The following TMEFF2 variants were observed in gnomAD, a reference collection of about 807,000 sequenced individuals.
TMEFF2 encodes the protein tomoregulin-2.
A neutral mutation model predicts 53.8 loss-of-function variants in TMEFF2; 28 were observed. The observed-to-expected ratio is 0.52, with a 90% CI of 0.39 to 0.71. TMEFF2 has a LOEUF of 0.71. Among genes scored for constraint, TMEFF2 ranks in the 30% least tolerant of loss-of-function variants. TMEFF2 has a pLI of 0.00. For synonymous variants in TMEFF2, 162 were observed against 166.3 expected, an observed-to-expected ratio of 0.97 and a Z score of 0.20; for missense variants, 353 against 455.2, an observed-to-expected ratio of 0.78 and a Z score of 2.04.
chr2:191,980,000 T>C (rs1237804403), intron 7 of TMEFF2, among the ~76,000 whole-genome samples: 1 of 152,140 alleles, frequency 6.6e-6, no homozygotes, highest in Admixed American at 6.5e-5. Context: ...TAAAATTTTA[T>C]GTAGTTTGGT....
At chr2:191,990,509 A>C (rs1361593224) in intron 7 of TMEFF2, among the ~76,000 whole-genome samples, 1 of 150,646 alleles carries the variant, frequency 6.6e-6, no homozygotes, top group East Asian at 2.0e-4. Flanking sequence ...AATTATACAG[A>C]GCATTGGGAT....
chr2:191,996,329 G>A (rs928731356), intron 7 of TMEFF2, among the ~76,000 whole-genome samples: 1 of 151,810 alleles, frequency 6.6e-6, no homozygotes, highest in Admixed American at 6.6e-5. Context: ...GTACAAAGAC[G>A]GATGGTTCAC....
At chr2:192,166,441 T>G (rs1304832604) in intron 4 of TMEFF2, among the ~76,000 whole-genome samples, 1 of 152,066 alleles carries the variant, frequency 6.6e-6, no homozygotes, top group African/African-American at 2.4e-5. Context: ...TTTTAGGGAT[T>G]TTTCTTACAA....
At chr2:192,169,649 G>A (rs1356007868) in intron 4 of TMEFF2, among the ~76,000 whole-genome samples, 2 of 152,098 alleles carry the variant, frequency 1.3e-5, no homozygotes, top group African/African-American at 4.8e-5. Flanking sequence ...AGGCCTGTTA[G>A]GAGGCTTTTT....
chr2:192,021,377 G>C (rs1396905233), intron 5 of TMEFF2, among the ~76,000 whole-genome samples: 2 of 152,030 alleles, frequency 1.3e-5, no homozygotes, highest in Non-Finnish European at 1.5e-5. Flanking sequence ...ATTTGAAAAA[G>C]TAAGAAAAAT....
chr2:192,041,928 G>A (rs1449598020), intron 5 of TMEFF2, among the ~76,000 whole-genome samples: 5 of 152,090 alleles, frequency 3.3e-5, no homozygotes, highest in Admixed American at 6.6e-5. Context: ...ATCACTGATC[G>A]GCCAGGTGCG....
chr2:192,057,027 T>A (rs1338963519), intron 5 of TMEFF2, among the ~76,000 whole-genome samples: 1 of 152,160 alleles, frequency 6.6e-6, no homozygotes, highest in Non-Finnish European at 1.5e-5. Context: ...AGTCTGATCA[T>A]CTATTGCTGC....
intron 7 of TMEFF2, among the ~76,000 whole-genome samples, chr2:191,992,059 CT>C (rs1354468388): frequency 2.0e-5 from 3 of 152,110 alleles, no homozygotes; most frequent in Non-Finnish European, 1.5e-5. Flanking sequence ...CAATGAGACA[CT>C]TTCCCTCAGA....
intron 6 of TMEFF2, 129 bp from the exon 7 acceptor site, chr2:191,998,450 C>A: frequency 1.7e-6 from 1 of 581,440 alleles, no homozygotes; most frequent in Admixed American, 3.5e-5. Context: ...TTCTAAGCAA[C>A]CTGCATCATA....
At chr2:192,181,665 A>C (rs1691188376) in intron 3 of TMEFF2, among the ~76,000 whole-genome samples, 1 of 151,806 alleles carries the variant, frequency 6.6e-6, no homozygotes, top group South Asian at 2.1e-4. Flanking sequence ...TACAGTAAAC[A>C]TCTTGCCTAT....
chr2:192,123,323 A>G (rs1255060342), intron 4 of TMEFF2, among the ~76,000 whole-genome samples: 1 of 152,148 alleles, frequency 6.6e-6, no homozygotes, highest in Non-Finnish European at 1.5e-5. Context: ...ACTTGTTTTG[A>G]TAAATAAGTT....
chr2:192,061,288 A>G (rs1688037175), intron 4 of TMEFF2, among the ~76,000 whole-genome samples: 1 of 152,222 alleles, frequency 6.6e-6, no homozygotes, highest in Non-Finnish European at 1.5e-5. Context: ...AGTGAAATGA[A>G]GTCATCCATC....
chr2:192,173,881 C>T (rs187102436), intron 4 of TMEFF2, among the ~76,000 whole-genome samples: 3 of 151,776 alleles, frequency 2.0e-5, no homozygotes, highest in East Asian at 1.9e-4. Flanking sequence ...TTAAACCCTT[C>T]GGAGAAATTA....
At chr2:192,087,795 C>G (rs1688700207) in intron 4 of TMEFF2, among the ~76,000 whole-genome samples, 1 of 152,148 alleles carries the variant, frequency 6.6e-6, no homozygotes, top group Non-Finnish European at 1.5e-5. Context: ...GATCCCTGTA[C>G]TGTCTGTTGA....
At chr2:192,077,159 C>T (rs554274232) in intron 4 of TMEFF2, among the ~76,000 whole-genome samples, 4 of 152,160 alleles carry the variant, frequency 2.6e-5, no homozygotes, top group African/African-American at 4.8e-5. Context: ...TGGAAAATAG[C>T]GGTTGAGAGT....
intron 4 of TMEFF2, among the ~76,000 whole-genome samples, chr2:192,059,964 A>C (rs1688004042): frequency 6.6e-6 from 1 of 152,158 alleles, no homozygotes; most frequent in African/African-American, 2.4e-5. Flanking sequence ...AAATGACTTA[A>C]TCGGTGCACA....
At chr2:192,049,766 C>T (rs6434532) in intron 5 of TMEFF2, among the ~76,000 whole-genome samples, 140,652 of 152,138 alleles carry the variant, frequency 0.92, 66,040 homozygotes, top group South Asian at 1. Context: ...CTTTGGGAGG[C>T]TGAGGCGGGA....
intron 4 of TMEFF2, among the ~76,000 whole-genome samples, chr2:192,085,423 T>G (rs1298051280): frequency 6.6e-6 from 1 of 152,112 alleles, no homozygotes; most frequent in African/African-American, 2.4e-5. Context: ...TTTCTGCACA[T>G]CAAACAGCAC....
At chr2:192,109,243 T>C (rs1233701146) in intron 4 of TMEFF2, among the ~76,000 whole-genome samples, 1 of 151,972 alleles carries the variant, frequency 6.6e-6, no homozygotes, top group Non-Finnish European at 1.5e-5. Context: ...GTATGAGAGT[T>C]CATGTACTAT....
Sources: gnomAD v4.1 joint callset for allele counts (sites outside exome capture counted in the v4.1 genomes callset) on GRCh38, gnomAD v4.1.1 for gene constraint, MANE v1.5 for transcripts, NCBI Gene and HGNC (gene_info 2026-07-23, HGNC 2026-07-21) for gene names.